Variants in CAST observed in about 807,000 individuals in gnomAD.
The protein encoded by CAST is MIR583 host.
Under a neutral mutation model 119.6 loss-of-function variants are expected in CAST, and 76 were observed. The ratio of observed to expected loss-of-function variants is 0.64; its 90% CI spans 0.53 to 0.77. CAST has a LOEUF of 0.77. Ranked by LOEUF, CAST falls within the 30% of genes least tolerant of loss-of-function variation. The probability of loss-of-function intolerance (pLI) is 0.00; values close to 1 mark genes in which losing one functional copy is unlikely to be tolerated. For missense variants in CAST, 953 were observed against 946.5 expected (o/e 1.01, Z -0.09); for synonymous variants, 319 against 331.6 (o/e 0.96, Z 0.41).
chr5:96,220,977 A>G, the CAST span, among the ~76,000 whole-genome samples: 18 of 152,126 alleles, frequency 1.2e-4, no homozygotes, highest in African/African-American at 4.3e-4. Flanking sequence ...ACTAAAGGAG[A>G]TTACAATTAA....
chr5:96,186,634 A>C, the CAST span, among the ~76,000 whole-genome samples: 37 of 152,292 alleles, frequency 2.4e-4, no homozygotes, highest in South Asian at 2.9e-3. Context: ...AGTTCTGTTT[A>C]TATGATGAGT....
chr5:96,097,401 G>C, the CAST span, among the ~76,000 whole-genome samples: 2 of 149,266 alleles, frequency 1.3e-5, no homozygotes, highest in African/African-American at 4.9e-5. Context: ...AGGTAAACTT[G>C]TGCCATGGGG....
chr5:96,003,691 ATGG>A, the CAST span, among the ~76,000 whole-genome samples: 1 of 152,138 alleles, frequency 6.6e-6, no homozygotes, highest in South Asian at 2.1e-4. Flanking sequence ...AGATGTGTTG[ATGG>A]TGTTTGATTA....
the CAST span, among the ~76,000 whole-genome samples, chr5:96,103,801 G>C: frequency 4.1e-3 from 619 of 151,740 alleles, 1 homozygote; most frequent in Non-Finnish European, 6.8e-3. Flanking sequence ...GGTTGAACTA[G>C]TTTACAGTCC....
chr5:96,165,293 C>CT, the CAST span, among the ~76,000 whole-genome samples: 7 of 152,050 alleles, frequency 4.6e-5, no homozygotes, highest in South Asian at 4.2e-4. Context: ...AGCTGAGTGC[C>CT]TTTTTTTATT....
intron 29 of CAST, among the ~76,000 whole-genome samples, chr5:96,768,657 T>TG (rs1312089378): frequency 6.6e-6 from 1 of 152,246 alleles, no homozygotes; most frequent in African/African-American, 2.4e-5. Context: ...GCTATGTCTG[T>TG]GTTCATTTAA....
intron 8 of CAST, among the ~76,000 whole-genome samples, 166 bp downstream of exon 8, chr5:96,729,891 G>T (rs2150443655): frequency 6.6e-6 from 1 of 152,320 alleles, no homozygotes; most frequent in African/African-American, 2.4e-5. Flanking sequence ...AAATAGACTT[G>T]TAGGAACTTG....
At chr5:96,559,900 A>T (rs556671961) in intron 1 of CAST, among the ~76,000 whole-genome samples, 42 of 152,348 alleles carry the variant, frequency 2.8e-4, no homozygotes, top group African/African-American at 8.7e-4. Flanking sequence ...TTGCCAAGTC[A>T]ATCCTAAGCC....
At chr5:96,018,566 T>C in the CAST span, among the ~76,000 whole-genome samples, 1 of 152,226 alleles carries the variant, frequency 6.6e-6, no homozygotes, top group South Asian at 2.1e-4. Flanking sequence ...GTAAAACATT[T>C]ATTTGCTAAC....
At chr5:96,301,097 G>A in the CAST span, among the ~76,000 whole-genome samples, 2 of 152,098 alleles carry the variant, frequency 1.3e-5, no homozygotes, top group Non-Finnish European at 2.9e-5. Flanking sequence ...ATGAAACATG[G>A]CTGGAGAGGC....
At chr5:96,753,995 G>GATAGC in intron 20 of CAST, 65 bp from the exon 21 acceptor site, 1 of 890,394 alleles carries the variant, frequency 1.1e-6, no homozygotes, top group Non-Finnish European at 1.9e-6. Flanking sequence ...TTTCTGAATT[G>GATAGC]ATAGCATATG....
intron 26 of CAST, 150 bp from the exon 27 acceptor site, chr5:96,765,903 T>C (rs932566533): frequency 1.7e-5 from 9 of 526,778 alleles, no homozygotes; most frequent in African/African-American, 7.8e-5. Flanking sequence ...GTTGAAGTCA[T>C]CTGTGTTGTT....
At chr5:96,352,547 C>T in the CAST span, among the ~76,000 whole-genome samples, 1 of 152,120 alleles carries the variant, frequency 6.6e-6, no homozygotes, top group African/African-American at 2.4e-5. Context: ...AGCTTTTTCT[C>T]TATGTAGGAA....
At chr5:96,072,388 G>A in the CAST span, among the ~76,000 whole-genome samples, 2 of 152,154 alleles carry the variant, frequency 1.3e-5, no homozygotes, top group African/African-American at 4.8e-5. Context: ...GAATTTGCAG[G>A]AGAGCTACTC....
intron 1 of CAST, among the ~76,000 whole-genome samples, chr5:96,542,658 T>A (rs1040360907): frequency 2.8e-5 from 3 of 105,420 alleles, no homozygotes; most frequent in African/African-American, 9.7e-5. Context: ...GTTTTCTTAT[T>A]GTTTAATTTT....
the CAST span, among the ~76,000 whole-genome samples, chr5:96,079,758 C>T: frequency 6.6e-6 from 1 of 152,134 alleles, no homozygotes; most frequent in Non-Finnish European, 1.5e-5. Flanking sequence ...CTATATACAT[C>T]TTGGTTATTA....
intron 3 of CAST, among the ~76,000 whole-genome samples, chr5:96,707,266 C>T (rs563813512): frequency 6.6e-6 from 1 of 152,200 alleles, no homozygotes; most frequent in African/African-American, 2.4e-5. Flanking sequence ...TGTTTTCCTA[C>T]AGATCCCTTT....
chr5:96,625,332 A>C (rs748509053), intron 1 of CAST, among the ~76,000 whole-genome samples: 2 of 151,652 alleles, frequency 1.3e-5, no homozygotes, highest in Non-Finnish European at 2.9e-5. Flanking sequence ...TAGAAAGTAG[A>C]ATATGAATTT....
At chr5:96,001,621 T>G in the CAST span, among the ~76,000 whole-genome samples, 26 of 152,216 alleles carry the variant, frequency 1.7e-4, no homozygotes, top group Non-Finnish European at 1.5e-5. Flanking sequence ...TTTATTGTAT[T>G]CAAAATCATA....
Sources: gnomAD v4.1 joint callset for allele counts (sites outside exome capture counted in the v4.1 genomes callset) on GRCh38, gnomAD v4.1.1 for gene constraint, MANE v1.5 for transcripts, NCBI Gene and HGNC (gene_info 2026-07-23, HGNC 2026-07-21) for gene names.